Variants in UNC13D observed in about 807,000 individuals in gnomAD.
The protein encoded by UNC13D is unc-13 homolog D.
In UNC13D, 115 loss-of-function variants were observed where a neutral mutation model predicts 151.7. That is an observed-to-expected ratio of 0.76 (90% confidence interval 0.65 to 0.88). The LOEUF (loss-of-function observed/expected upper bound fraction) is 0.88, where lower values mean the gene tolerates loss of function less well. UNC13D is among the 40% of genes least tolerant of loss of function. The pLI is 0.00. For missense variants in UNC13D, 1,369 were observed against 1,438.7 expected (o/e 0.95, Z 0.78); for synonymous variants, 588 against 612.2 (o/e 0.96, Z 0.58).
rs2064960092 is a variant in UNC13D at position 75,843,008 on chromosome 17, G to A, written c.321+6C>T. ...CTTGCCCAGGGGGACCCTGGCCCCA[G>A]GTTACCTCAAGCTCCCTGACCCGCT... On this transcript the variant is annotated splice_donor_region_variant and intron_variant, in intron 4 of 31. Coordinates refer to ENST00000207549, the MANE Select transcript of UNC13D (RefSeq NM_199242.3). 3 of 1,612,696 alleles carry A rather than the reference G, an allele frequency of 1.9e-6. No individual in the cohort carries two copies. The highest frequency in any genetic ancestry group is 2.5e-6 in the Non-Finnish European group (3 of 1,179,948).
chr17:75,843,761 A>C (rs936568038), intron 1 of UNC13D: 3 of 1,412,864 alleles, frequency 2.1e-6, no homozygotes, highest in Non-Finnish European at 2.8e-6. Context: ...CCCGCACCCC[A>C]CCTCCCTCCC....
Position 75,843,032 on chromosome 17 carries a change from C to A in UNC13D, c.303G>T (p.Gln101His). The change falls in exon 4 of 32, where the codon CAG (glutamine) becomes CAT (histidine). Residue 101 changes from glutamine (Q) to histidine (H), a missense_variant. Transcript: ENST00000207549. ...VEPEEHQQTL[Q>H]RVRELEKPIF... ...AGGTTACCTCAAGCTCCCTGACCCG[C>A]TGCAGTGTCTGCTGGTGCTCCTCGG... 3 of 1,607,222 alleles carry A rather than the reference C, an allele frequency of 1.9e-6. No individual in the cohort carries two copies. Among genetic ancestry groups the A allele is most frequent in the South Asian group, 2.2e-5 (2 of 90,976 alleles).
intron 12 of UNC13D, among the ~76,000 whole-genome samples, chr17:75,839,240 TA>T (rs1255922482): frequency 6.7e-6 from 1 of 150,334 alleles, no homozygotes; most frequent in Admixed American, 6.6e-5. Flanking sequence ...CCGTCTCTAC[TA>T]AAAATACAAA....
chr17:75,839,094 T>C (rs12602430), intron 12 of UNC13D, among the ~76,000 whole-genome samples: 68,627 of 150,240 alleles, frequency 0.46, 19,016 homozygotes, highest in African/African-American at 0.79. Flanking sequence ...AGCAAGACTC[T>C]GTCTCAAAAA....
At chr17:75,829,484 G>A (rs374025461) in intron 30 of UNC13D, among the ~76,000 whole-genome samples, 15 of 151,550 alleles carry the variant, frequency 9.9e-5, no homozygotes, top group Admixed American at 3.9e-4. Context: ...TAGTAGAGAC[G>A]GGGTTTCACC....
intron 30 of UNC13D, among the ~76,000 whole-genome samples, chr17:75,829,497 G>T (rs1405763646): frequency 6.6e-6 from 1 of 151,662 alleles, no homozygotes; most frequent in African/African-American, 2.4e-5. Context: ...GTTTCACCAT[G>T]TTAGCCAGGA....
At position 75,833,030 on chromosome 17, in the gene UNC13D, T is replaced by G; in HGVS notation, c.2383A>C (p.Met795Leu). 6.2e-7 allele frequency: 1 copy of G among 1,605,860 alleles called. No individual in the cohort carries two copies. Among genetic ancestry groups the G allele is most frequent in the Non-Finnish European group, 8.5e-7 (1 of 1,176,942 alleles). ...CAAAGCTCCACCTCCAGGAACTTCA[T>G]CAGGGGCAGAATGGCCTGGGGAGGG... ...VLPEDAILPL[M>L]KFLEVELCYM... The change falls in exon 25 of 32, where the codon ATG becomes CTG. Residue 795 changes from methionine (M) to leucine (L), a missense_variant. This residue lies in a region of UNC13D where 807 missense variants were observed against 795.5 expected (regional missense o/e 1.01). Transcript: ENST00000207549. This position sits in a 1 kb window ranked among gnomAD's most constrained non-coding sequence, Gnocchi z 4.0.
chr17:75,843,651 G>A (rs1451687375), intron 1 of UNC13D, 132 bp from the exon 2 acceptor site: 1 of 1,510,682 alleles, frequency 6.6e-7, no homozygotes, highest in East Asian at 2.5e-5. Context: ...CAGCCCCAGT[G>A]ATGCCCCGCA....
intron 12 of UNC13D, among the ~76,000 whole-genome samples, chr17:75,837,714 A>G (rs1226164445): frequency 6.6e-6 from 1 of 150,906 alleles, no homozygotes; most frequent in Admixed American, 6.6e-5. Flanking sequence ...AGATTGTGCC[A>G]TGGCACTCCA....
Position 75,840,978 on chromosome 17 carries a change from G to C in UNC13D, c.593C>G (p.Ala198Gly). 1.9e-6 allele frequency: 3 copies of C among 1,613,966 alleles called. No individual in the cohort carries two copies. Among genetic ancestry groups the C allele is most frequent in the Non-Finnish European group, 1.7e-6 (2 of 1,179,998 alleles). ...TCACCACATGTCCAGATGAAAGCTC[G>C]CATTGGTGATGTCCTCAAACTCCCT... ...FILEFEDITNASFHLDMWDLD... is the reference protein window; with the variant it reads ...FILEFEDITNGSFHLDMWDLD... Residue 198 changes from alanine (A) to glycine (G), a missense_variant, in exon 7 of 32, where the codon GCG becomes GGG. Transcript: ENST00000207549. The surrounding 1 kb of genome is among the most constrained non-coding windows in gnomAD (Gnocchi z 4.6).
chr17:75,843,461 C>A, intron 2 of UNC13D, 23 bp downstream of exon 2: 1 of 1,600,270 alleles, frequency 6.2e-7, no homozygotes, highest in Non-Finnish European at 8.5e-7. Flanking sequence ...CACCTCTCTG[C>A]ACCCCAGCAC....
At position 75,834,730 on chromosome 17, in the gene UNC13D, G is replaced by A; in HGVS notation, c.1993-14C>T. On this transcript the variant is annotated splice_polypyrimidine_tract_variant and intron_variant, in intron 21 of 31. Coordinates refer to ENST00000207549, the MANE Select transcript of UNC13D (RefSeq NM_199242.3). ...GCGACAGGTGTCCTAGGGTGGGGTT[G>A]GACAGAGGGAACTGATCCATGGGTG... The A allele has an allele frequency of 2.5e-6, 4 of 1,613,244 alleles. No homozygotes were observed. Among genetic ancestry groups the A allele is most frequent in the Non-Finnish European group, 3.4e-6 (4 of 1,179,884 alleles).
In UNC13D at chr17:75,833,160, T is replaced by C; in HGVS notation, c.2368-115A>G. ...GCTGGGAACCGTTCTGTGAGAGCAG[T>C]TTGTAGTGTCTGTAAGAGGCCGGCC... On this transcript the variant is annotated intron_variant, in intron 24 of 31. Transcript: ENST00000207549. This position sits in a 1 kb window ranked among gnomAD's most constrained non-coding sequence, Gnocchi z 4.0. 1 of 1,058,096 alleles carries C rather than the reference T, an allele frequency of 9.5e-7. No homozygotes were observed. The highest frequency in any genetic ancestry group is 1.4e-6 in the Non-Finnish European group (1 of 710,664). The allele number at this position is 1,058,096 out of a possible 1,614,324, so 65.5% of individuals were successfully genotyped here. A position where few individuals can be genotyped will look rare whatever the true frequency, so the allele number is the denominator to read the frequency against.
At position 75,835,996 on chromosome 17, in the gene UNC13D, C is replaced by T; in HGVS notation, c.1544+16G>A. The T allele has an allele frequency of 6.2e-7, 1 of 1,614,190 alleles. No individual in the cohort carries two copies. The highest frequency in any genetic ancestry group is 8.5e-7 in the Non-Finnish European group (1 of 1,180,040). On this transcript the variant is annotated intron_variant, in intron 17 of 31. Transcript: ENST00000207549. ...AGGCAATGCCCCACTACCTCCCGACCTGGCTATCTGCTCACTTGTGGAAGA... is the reference window on the plus strand; with the variant it reads ...AGGCAATGCCCCACTACCTCCCGACTTGGCTATCTGCTCACTTGTGGAAGA...
chr17:75,843,251 C>T lies in UNC13D; in HGVS notation c.169G>A (p.Glu57Lys), dbSNP rs767617631. 15 of 1,608,522 alleles carry T rather than the reference C, an allele frequency of 9.3e-6. No homozygotes were observed. Among genetic ancestry groups the T allele is most frequent in the Admixed American group, 5.0e-5 (3 of 60,008 alleles). Residue 57 changes from glutamate to lysine, a missense_variant, in exon 3 of 32, where the codon GAG becomes AAG. Physicochemically the swap from Glu to Lys is moderately conservative, Grantham distance 56. Around this residue, in one of 3 missense-constraint regions of UNC13D, gnomAD observed 550 missense variants for 609.0 expected, o/e 0.90. Transcript: ENST00000207549. The stretch of plus-strand genomic sequence containing the variant: ...TGCAAGACAGTGTAGAGTGCGTCCT[C>T]GTAGAGCAGGGCCCGCTAAGACACA... ...FSPEQRALLY[E>K]DALYTVLHRL...
chr17:75,827,754 A>C lies in UNC13D; in HGVS notation c.*211T>G, dbSNP rs2062133738. The C allele has an allele frequency of 6.7e-7, 1 of 1,485,842 alleles. No homozygotes were observed. Among genetic ancestry groups the C allele is most frequent in the East Asian group, 2.5e-5 (1 of 40,224 alleles). 92.0% of individuals were successfully genotyped at this position (1,485,842 alleles called of 1,614,324 possible). A position where few individuals can be genotyped will look rare whatever the true frequency, so the allele number is the denominator to read the frequency against. The stretch of plus-strand genomic sequence containing the variant: ...GTAGAGACATTGCAGCCAGGGCTGG[A>C]GGCAGGGAGGCGGGAGTAGAGATGT... On this transcript the variant is annotated 3_prime_UTR_variant, in exon 32 of 32. Transcript: ENST00000207549.
chr17:75,841,099 T>A, intron 6 of UNC13D, 98 bp from the exon 7 acceptor site: 2 of 1,295,742 alleles, frequency 1.5e-6, no homozygotes, highest in Non-Finnish European at 2.2e-6. Context: ...AGTTGTAGCC[T>A]ATCCCTGCCA....
rs373567791 is a variant in UNC13D, at chr17:75,836,483, A to C, written c.1299-54T>G. 77 of 1,611,894 alleles carry C rather than the reference A, an allele frequency of 4.8e-5. 1 individual carries two copies. The Middle Eastern group carries it at 6.6e-4, about 14-fold the overall frequency. On this transcript the variant is annotated intron_variant, in intron 14 of 31. Coordinates refer to ENST00000207549, the MANE Select transcript of UNC13D (RefSeq NM_199242.3). ...GTGCCTGCTGCCCCACACTGCACTC[A>C]CTCCTCCAACAATTCTCCCACTCCT...
In UNC13D at chr17:75,834,382, G is replaced by C. The variant is rs372453702; in HGVS notation, c.2241C>G (p.Ser747Arg). Residue 747 changes from serine to arginine, a missense_variant, in exon 23 of 32, where the codon AGC becomes AGG. This residue lies in a region of UNC13D where 807 missense variants were observed against 795.5 expected (regional missense o/e 1.01). Coordinates refer to ENST00000207549, the MANE Select transcript of UNC13D (RefSeq NM_199242.3). ...LQNTLHAQLQ[S>R]ALAGLGHEIR... Reference sequence around the variant, plus strand: ...TCTCATGGCCCAGCCCGGCCAGCGCGCTCTGCAGCTGGGCATGCAGCGTGT... The same window carrying C: ...TCTCATGGCCCAGCCCGGCCAGCGCCCTCTGCAGCTGGGCATGCAGCGTGT... The C allele has an allele frequency of 3.1e-6, 5 of 1,591,800 alleles. No individual in the cohort carries two copies. The highest frequency in any genetic ancestry group is 4.2e-6 in the Non-Finnish European group (5 of 1,177,072).
Sources: allele counts gnomAD v4.1 joint callset (sites outside exome capture counted in the v4.1 genomes callset), GRCh38; gene constraint gnomAD v4.1.1; regional missense constraint gnomAD v4.1.1; non-coding constraint Gnocchi (gnomAD v3.1); transcripts MANE v1.5; gene names NCBI Gene and HGNC (gene_info 2026-07-23, HGNC 2026-07-21).